FBRSL1: variants seen among roughly 807,000 people sequenced by gnomAD.
FBRSL1 encodes fibrosin like 1.
In FBRSL1, 51 loss-of-function variants were observed where a neutral mutation model predicts 89.6. The ratio of observed to expected loss-of-function variants is 0.57; its 90% confidence interval spans 0.45 to 0.72. The LOEUF (loss-of-function observed/expected upper bound fraction) is 0.72, where lower values mean the gene tolerates loss of function less well. Ranked by LOEUF, FBRSL1 falls within the 30% of genes least tolerant of loss-of-function variation. FBRSL1 has a pLI of 0.00. For missense variants in FBRSL1, 1,618 were observed against 1,451.8 expected, an observed-to-expected ratio of 1.11 and a Z score of -1.86; for synonymous variants, 779 against 681.1, an observed-to-expected ratio of 1.14 and a Z score of -2.24.
In FBRSL1 at chr12:132,543,162, C is replaced by G. The variant is rs149622018; in HGVS notation, c.616-4841C>G. On this transcript the variant is annotated intron_variant, in intron 4 of 18. Transcript: ENST00000680143. ...AGTGAAGATGACACTGATGGCAGCT[C>G]CCATTTATGAAGCCTGGCCGCCAGC... is the stretch of plus-strand genomic sequence containing the variant. Among the ~76,000 whole-genome samples the G allele has an allele frequency of 3.5e-3, 533 of 152,298 alleles. 3 individuals carry two copies. The highest frequency in any genetic ancestry group is 0.012 in the African/African-American group (512 of 41,556).
intron 5 of FBRSL1, among the ~76,000 whole-genome samples, chr12:132,564,223 C>T (rs2039398437): frequency 6.6e-6 from 1 of 152,204 alleles, no homozygotes; most frequent in South Asian, 2.1e-4. Context: ...CAGCCCCACA[C>T]CAGGCCCCGG....
intron 1 of FBRSL1, among the ~76,000 whole-genome samples, chr12:132,503,054 C>T (rs2033216331): frequency 6.6e-6 from 1 of 151,956 alleles, no homozygotes; most frequent in Non-Finnish European, 1.5e-5. Context: ...CTCCATAGCT[C>T]CCAAGGGGTG....
intron 4 of FBRSL1, among the ~76,000 whole-genome samples, chr12:132,543,600 C>T (rs931877822): frequency 2.0e-5 from 3 of 152,184 alleles, no homozygotes; most frequent in Non-Finnish European, 4.4e-5. Context: ...AAAAATAAAT[C>T]AGGCCAGACC....
At chr12:132,570,636 C>G in intron 8 of FBRSL1, 96 bp downstream of exon 8, 3 of 1,115,710 alleles carry the variant, frequency 2.7e-6, no homozygotes, top group Non-Finnish European at 3.7e-6. Flanking sequence ...CCTCCACCTG[C>G]TGTGGTCTCT....
chr12:132,496,685 G>C (rs1308642077), intron 1 of FBRSL1, among the ~76,000 whole-genome samples: 2 of 152,232 alleles, frequency 1.3e-5, no homozygotes, highest in African/African-American at 2.4e-5. Context: ...TGGTGTTGCT[G>C]TTTGTGGGTA....
chr12:132,505,284 C>T (rs892867292), intron 1 of FBRSL1, among the ~76,000 whole-genome samples: 2 of 152,202 alleles, frequency 1.3e-5, no homozygotes, highest in Admixed American at 6.5e-5. Context: ...CTTCCCCATG[C>T]GAACCTTCTG....
In FBRSL1 at chr12:132,521,940, G is replaced by T. The variant is rs573886802; in HGVS notation, c.490-3794G>T. 3.9e-5 allele frequency among the ~76,000 whole-genome samples: 6 copies of T among 152,306 alleles called. No homozygotes were observed. In the South Asian group the frequency reaches 1.2e-3, roughly 32 times the overall value. ...CTTGGGGCGGGTCTGGGGAGCAGGT[G>T]GGGCGATGAGTCCGTGTGCATGGGG... On this transcript the variant is annotated intron_variant, in intron 2 of 18. Transcript: ENST00000680143.
intron 5 of FBRSL1, 106 bp downstream of exon 5, chr12:132,548,138 TG>T (rs1215655111): frequency 9.5e-6 from 13 of 1,375,400 alleles, no homozygotes; most frequent in Non-Finnish European, 9.0e-6. Flanking sequence ...GATCGGGCCT[TG>T]GGGGGATCCC....
chr12:132,509,584 G>T (rs898804202), intron 2 of FBRSL1: 3 of 1,231,890 alleles, frequency 2.4e-6, no homozygotes, highest in African/African-American at 3.1e-5. Flanking sequence ...CACCACTGCC[G>T]GCGCCTGCGG....
At chr12:132,498,345 G>C (rs1430957945) in intron 1 of FBRSL1, among the ~76,000 whole-genome samples, 4 of 152,206 alleles carry the variant, frequency 2.6e-5, no homozygotes, top group Non-Finnish European at 4.4e-5. Flanking sequence ...CACCCTTGCA[G>C]AGGCGCCGCA....
At chr12:132,531,095 G>A (rs138232934) in intron 4 of FBRSL1, among the ~76,000 whole-genome samples, 1,632 of 152,028 alleles carry the variant, frequency 0.011, 22 homozygotes, top group African/African-American at 0.036. Context: ...GCTCTTCCCC[G>A]GCACTGAGGA....
rs12821784 is a variant in FBRSL1 at position 132,555,443 on chromosome 12, G to A, written c.645+7411G>A. ...TGAGCATGGCCTCCACGGTAGCTGC[G>A]CCACCGGAGCGTGAGCGTGGCCTCC... On this transcript the variant is annotated intron_variant, in intron 5 of 18. Transcript: ENST00000680143. Among the ~76,000 whole-genome samples the A allele has an allele frequency of 1.5e-3, 57 of 37,918 alleles. 17 individuals are homozygous for A. The highest frequency in any genetic ancestry group is 7.9e-3 in the African/African-American group (53 of 6,702). The allele number at this position is 37,918 out of a possible 152,430, so 24.9% of individuals were successfully genotyped here.
chr12:132,508,606 G>A (rs1304859329), intron 2 of FBRSL1, among the ~76,000 whole-genome samples: 2 of 152,204 alleles, frequency 1.3e-5, no homozygotes, highest in African/African-American at 2.4e-5. Context: ...GCAGCAAGGC[G>A]CGCGTTCCGG....
At chr12:132,541,001 G>A (rs987443106) in intron 4 of FBRSL1, among the ~76,000 whole-genome samples, 16 of 152,138 alleles carry the variant, frequency 1.1e-4, no homozygotes, top group Non-Finnish European at 1.6e-4. Flanking sequence ...CCCAAGGCAC[G>A]TCAGGTGCAA....
intron 5 of FBRSL1, chr12:132,559,914 G>A (rs1028976915): frequency 2.7e-4 from 40 of 149,416 alleles, no homozygotes; most frequent in African/African-American, 9.2e-4. Context: ...GGATTAGTCG[G>A]GTCTGCCCGC....
At chr12:132,509,990 G>T (rs1278242012) in intron 2 of FBRSL1, 3 of 1,231,436 alleles carry the variant, frequency 2.4e-6, no homozygotes, top group African/African-American at 1.6e-5. Context: ...GGCGGTCGCT[G>T]CTGCGCCCCA....
chr12:132,581,285 C>A, intron 15 of FBRSL1, 154 bp from the exon 16 acceptor site: 6 of 985,438 alleles, frequency 6.1e-6, no homozygotes, highest in South Asian at 4.7e-5. Flanking sequence ...CCACCTCTTA[C>A]TCTGACTGGA....
rs1326058460 is a variant in FBRSL1, at chr12:132,576,881, C to T, written c.1784C>T (p.Ala595Val). The T allele has an allele frequency of 1.3e-6, 2 of 1,550,912 alleles. No individual in the cohort carries two copies. Among genetic ancestry groups the T allele is most frequent in the Non-Finnish European group, 1.7e-6 (2 of 1,146,916 alleles). ...FGRPPAPGVF[A>V]GFHYPQDLAR... ...AGACCCCCTGCCCCGGGCGTGTTTG[C>T]AGGCTTCCACTACCCACAGGACCTG... The change falls in exon 15 of 19, where the codon GCA becomes GTA. Residue 595 changes from alanine to valine, a missense_variant. Coordinates refer to ENST00000680143, the MANE Select transcript of FBRSL1 (RefSeq NM_001367871.1).
At chr12:132,540,888 C>T (rs1331641227) in intron 4 of FBRSL1, among the ~76,000 whole-genome samples, 1 of 152,230 alleles carries the variant, frequency 6.6e-6, no homozygotes, top group Non-Finnish European at 1.5e-5. Context: ...AGTAGCCATA[C>T]AGCTGAAGAA....
Sources: allele counts gnomAD v4.1 joint callset (sites outside exome capture counted in the v4.1 genomes callset), GRCh38; gene constraint gnomAD v4.1.1; transcripts MANE v1.5; gene names NCBI Gene and HGNC (gene_info 2026-07-23, HGNC 2026-07-21).